Variants in GTPBP10 observed in about 807,000 individuals in gnomAD.
GTPBP10 encodes GTP binding protein 10.
In GTPBP10, 38 loss-of-function variants were observed where a neutral mutation model predicts 44.8. The observed-to-expected ratio is 0.85, with a 90% CI of 0.65 to 1.11. The LOEUF (loss-of-function observed/expected upper bound fraction) is 1.11, where lower values mean the gene tolerates loss of function less well. Ranked by LOEUF, GTPBP10 falls within the 50% of genes most tolerant of loss-of-function variation. The probability of loss-of-function intolerance (pLI) is 0.00; values close to 1 mark genes in which losing one functional copy is unlikely to be tolerated. For missense variants in GTPBP10, 462 were observed against 453.7 expected (o/e 1.02, Z -0.17); for synonymous variants, 152 against 150.6 (o/e 1.01, Z -0.07).
At chr7:90,364,936 G>A (rs1323991299) in intron 4 of GTPBP10, among the ~76,000 whole-genome samples, 1 of 152,222 alleles carries the variant, frequency 6.6e-6, no homozygotes. Flanking sequence ...GCCAGGTGCG[G>A]AATATAATCT....
intron 4 of GTPBP10, among the ~76,000 whole-genome samples, chr7:90,361,207 G>C (rs1226159585): frequency 6.6e-6 from 1 of 152,160 alleles, no homozygotes; most frequent in Non-Finnish European, 1.5e-5. Flanking sequence ...TCCCTGTGTT[G>C]TGCTGGTTTT....
Position 90,385,322 on chromosome 7 carries a change from G to C in GTPBP10, c.*168G>C. The C allele has an allele frequency of 1.9e-6, 1 of 522,856 alleles. No homozygotes were observed. Among genetic ancestry groups the C allele is most frequent in the Admixed American group, 3.6e-5 (1 of 27,412 alleles). The allele number at this position is 522,856 out of a possible 1,614,324, so 32.4% of individuals were successfully genotyped here. ...CTTAAGTTGAACTCATAGAAGGAGA[G>C]AATAGAATGGTGGTTATCAAGGGCT... is the stretch of plus-strand genomic sequence containing the variant. On this transcript the variant is annotated 3_prime_UTR_variant, in exon 10 of 10. Coordinates refer to ENST00000222511, the MANE Select transcript of GTPBP10 (RefSeq NM_033107.4).
intron 9 of GTPBP10, 78 bp downstream of exon 9, chr7:90,383,157 A>G: frequency 9.3e-7 from 1 of 1,075,964 alleles, no homozygotes; most frequent in Middle Eastern, 2.7e-4. Context: ...ATCAGTGGAA[A>G]ACTGACAGTT....
intron 3 of GTPBP10, 150 bp from the exon 4 acceptor site, chr7:90,354,936 G>T: frequency 2.1e-6 from 1 of 469,664 alleles, no homozygotes. Flanking sequence ...ATGTATTTTT[G>T]AAAGTAAAAT....
At chr7:90,376,092 G>A (rs1453391482) in intron 6 of GTPBP10, among the ~76,000 whole-genome samples, 6 of 151,202 alleles carry the variant, frequency 4.0e-5, no homozygotes, top group Non-Finnish European at 4.4e-5. Flanking sequence ...AAAATTAGAT[G>A]GGTGTGGTGG....
intron 4 of GTPBP10, among the ~76,000 whole-genome samples, chr7:90,360,064 A>C (rs1217826900): frequency 6.6e-6 from 1 of 152,116 alleles, no homozygotes; most frequent in Non-Finnish European, 1.5e-5. Flanking sequence ...AGTAGATTGC[A>C]AACATTTTCT....
At chr7:90,372,096 T>A in intron 4 of GTPBP10, 59 bp from the exon 5 acceptor site, 1 of 989,436 alleles carries the variant, frequency 1.0e-6, no homozygotes, top group Non-Finnish European at 1.6e-6. Flanking sequence ...ACTTGAATTG[T>A]TAGGAATTCA....
intron 1 of GTPBP10, among the ~76,000 whole-genome samples, chr7:90,350,314 T>C (rs1795765639): frequency 6.6e-6 from 1 of 152,260 alleles, no homozygotes; most frequent in Admixed American, 6.5e-5. Flanking sequence ...GATGGACATT[T>C]GGGTTGGTTC....
intron 6 of GTPBP10, among the ~76,000 whole-genome samples, chr7:90,377,234 A>C (rs1194094597): frequency 3.9e-5 from 6 of 152,192 alleles, no homozygotes; most frequent in Non-Finnish European, 7.3e-5. Context: ...TAAAATAATA[A>C]TAATAAATAA....
At chr7:90,372,429 A>G (rs1443799818) in intron 5 of GTPBP10, among the ~76,000 whole-genome samples, 1 of 86,928 alleles carries the variant, frequency 1.2e-5, no homozygotes, top group African/African-American at 5.5e-5. Flanking sequence ...ATCCCCCTGC[A>G]TCAGCCTCCC....
In GTPBP10 at chr7:90,386,135, T is replaced by C. The variant is rs76558289; in HGVS notation, c.*981T>C. 8.5e-5 allele frequency: 13 copies of C among 152,294 alleles called. No homozygotes were observed. The highest frequency in any genetic ancestry group is 1.3e-4 in the Non-Finnish European group (9 of 68,002). The allele number at this position is 152,294 out of a possible 1,614,324, so 9.4% of individuals were successfully genotyped here. On this transcript the variant is annotated 3_prime_UTR_variant, in exon 10 of 10. Transcript: ENST00000222511. ...CCACCTGTAATAACATTCTCTGATA[T>C]TCCTTTACTTAGGATGTCCCTATTG...
intron 4 of GTPBP10, among the ~76,000 whole-genome samples, chr7:90,369,975 C>G (rs957899256): frequency 3.3e-5 from 5 of 152,090 alleles, no homozygotes; most frequent in African/African-American, 1.2e-4. Context: ...CAAAGACGTA[C>G]AGAGTGTTAT....
At chr7:90,361,406 A>T (rs554461127) in intron 4 of GTPBP10, among the ~76,000 whole-genome samples, 95 of 32,460 alleles carry the variant, frequency 2.9e-3, no homozygotes, top group African/African-American at 0.017. Flanking sequence ...GGTTTTTGTC[A>T]TTGGTTCTGT....
At position 90,383,056 on chromosome 7, in the gene GTPBP10, T is replaced by G; in HGVS notation, c.878T>G (p.Met293Arg). Residue 293 changes from methionine (M) to arginine (R), a missense_variant, in exon 9 of 10, where the codon ATG (methionine) becomes AGG (arginine). Met to Arg is a moderately conservative substitution (Grantham distance 91). Transcript: ENST00000222511. ...PDAQDKFHEL[M>R]SQLQNPKDFL... is the part of the protein sequence containing the mutation. ...GCCCAAGATAAGTTCCATGAATTGA[T>G]GAGCCAGCTCCAGAATCCTAAAGGT... 6.3e-7 allele frequency: 1 copy of G among 1,584,634 alleles called. No individual in the cohort carries two copies. Among genetic ancestry groups the G allele is most frequent in the Non-Finnish European group, 8.6e-7 (1 of 1,162,288 alleles).
chr7:90,383,620 A>C (rs1162170457), intron 9 of GTPBP10: 1 of 152,164 alleles, frequency 6.6e-6, no homozygotes, highest in African/African-American at 2.4e-5. Context: ...AAAATGATTT[A>C]TTTGTCTGGA....
chr7:90,355,638 A>C (rs17862155), intron 4 of GTPBP10, among the ~76,000 whole-genome samples: 9 of 152,354 alleles, frequency 5.9e-5, no homozygotes, highest in Non-Finnish European at 1.3e-4. Context: ...GGGTCTTAAT[A>C]GAGACATTAA....
rs1478689925 is a variant in GTPBP10, at chr7:90,386,835, A to C, written c.*1681A>C. On this transcript the variant is annotated 3_prime_UTR_variant, in exon 10 of 10. Transcript: ENST00000222511. ...ATAAAATGTACATATTGATTGTAAAAACAAAAAATTCAAATAGTACAAAAG... is the reference window on the plus strand; with the variant it reads ...ATAAAATGTACATATTGATTGTAAACACAAAAAATTCAAATAGTACAAAAG... 1 of 152,212 alleles carries C rather than the reference A, an allele frequency of 6.6e-6. No homozygotes were observed. Among genetic ancestry groups the C allele is most frequent in the Non-Finnish European group, 1.5e-5 (1 of 68,034 alleles). 9.4% of individuals were successfully genotyped at this position (152,212 alleles called of 1,614,324 possible).
chr7:90,369,955 T>G (rs988168110), intron 4 of GTPBP10, among the ~76,000 whole-genome samples: 1 of 152,172 alleles, frequency 6.6e-6, no homozygotes, highest in East Asian at 1.9e-4. Flanking sequence ...ATCTTGGAAC[T>G]TAACTCTTAC....
chr7:90,380,795 C>T (rs17862162), intron 8 of GTPBP10, among the ~76,000 whole-genome samples: 5,179 of 152,254 alleles, frequency 0.034, 124 homozygotes, highest in South Asian at 0.057. Flanking sequence ...ACCCCTCCAT[C>T]TTCCTCCCCC....
Sources: allele counts gnomAD v4.1 joint callset (sites outside exome capture counted in the v4.1 genomes callset), GRCh38; gene constraint gnomAD v4.1.1; transcripts MANE v1.5; gene names NCBI Gene and HGNC (gene_info 2026-07-23, HGNC 2026-07-21).